Variants in SLC27A1 observed in about 807,000 individuals in gnomAD.
SLC27A1 encodes the protein solute carrier family 27 member 1, also known as long-chain fatty acid transport protein 1.
In SLC27A1, 61 loss-of-function variants were observed where a neutral mutation model predicts 62.2. That is an observed-to-expected ratio of 0.98 (90% CI 0.80 to 1.21). The LOEUF (loss-of-function observed/expected upper bound fraction) is 1.21, where lower values mean the gene tolerates loss of function less well. Ranked by LOEUF, SLC27A1 falls within the 50% of genes most tolerant of loss-of-function variation. The probability of loss-of-function intolerance (pLI) is 0.00; values close to 1 mark genes in which losing one functional copy is unlikely to be tolerated. For missense variants in SLC27A1, 903 were observed against 932.1 expected (o/e 0.97, Z 0.41); for synonymous variants, 435 against 408.6 (o/e 1.06, Z -0.78).
chr19:17,479,497 G>A (rs2075155394), intron 1 of SLC27A1, among the ~76,000 whole-genome samples: 2 of 152,178 alleles, frequency 1.3e-5, no homozygotes, highest in South Asian at 4.1e-4. Context: ...CCCCTGCTTA[G>A]GGCGTTTGGT....
intron 11 of SLC27A1, 71 bp from the exon 12 acceptor site, chr19:17,504,384 A>G: frequency 1.9e-6 from 3 of 1,573,978 alleles, no homozygotes; most frequent in Non-Finnish European, 2.6e-6. Flanking sequence ...GAGGTGCAGG[A>G]GAGGATATTG....
chr19:17,479,983 T>C (rs574644786), intron 1 of SLC27A1, among the ~76,000 whole-genome samples: 1 of 152,130 alleles, frequency 6.6e-6, no homozygotes, highest in African/African-American at 2.4e-5. Flanking sequence ...AGCACTGTCA[T>C]TTCCCCCATT....
In SLC27A1 at chr19:17,501,429, TC is replaced by T; in HGVS notation, c.1783+15del. The T allele has an allele frequency of 6.2e-7, 1 of 1,609,360 alleles. No individual in the cohort carries two copies. ...CAGGTGGACACCACAGGTGCGAGTC[TC>T]CCCCACTCCAATCTCTCTCTTCATC... On this transcript the variant is annotated intron_variant, in intron 11 of 11. Coordinates refer to ENST00000252595, the MANE Select transcript of SLC27A1 (RefSeq NM_198580.3).
chr19:17,504,494 G>GCTTTGACC lies in SLC27A1; in HGVS notation c.1825_1832dup (p.Arg612LeufsTer15), dbSNP rs1173174239. The GCTTTGACC allele has an allele frequency of 6.2e-7, 1 of 1,614,162 alleles. No individual in the cohort carries two copies. The highest frequency in any genetic ancestry group is 2.2e-5 in the East Asian group (1 of 44,882). ...CAGAAGACGAGGCTGCAGCGAGAGG[G>GCTTTGACC]CTTTGACCCACGCCAGACCTCAGAC... On this transcript the variant is annotated frameshift_variant, in exon 12 of 12. Coordinates refer to ENST00000252595, the MANE Select transcript of SLC27A1 (RefSeq NM_198580.3). LOFTEE classifies it low-confidence loss of function (END_TRUNC).
rs749112853 is a variant in SLC27A1, at chr19:17,500,739, G to A, written c.1499G>A (p.Gly500Asp). 1.2e-6 allele frequency: 2 copies of A among 1,614,068 alleles called. No homozygotes were observed. Among genetic ancestry groups the A allele is most frequent in the Non-Finnish European group, 8.5e-7 (1 of 1,180,028 alleles). The change falls in exon 10 of 12, where the codon GGC becomes GAC. Residue 500 changes from glycine (G) to aspartate (D), a missense_variant. By Grantham distance (94) the Gly-to-Asp change is moderately conservative (BLOSUM62 -1). Transcript: ENST00000252595. ...SGDVLVMDEL[G>D]YMYFRDRSGD... ...GACGTGCTAGTGATGGATGAGCTGG[G>A]CTACATGTACTTCCGGGACCGTAGC...
Position 17,497,240 on chromosome 19 carries a change from C to T in SLC27A1, c.997-15C>T. On this transcript the variant is annotated splice_polypyrimidine_tract_variant and intron_variant, in intron 6 of 11. Coordinates refer to ENST00000252595, the MANE Select transcript of SLC27A1 (RefSeq NM_198580.3). ...CTGCCGGTCCCATCACCCACTTCCT[C>T]ACCCCGTCCCCCAGGTGGTTCAGTA... 2 of 1,579,872 alleles carry T rather than the reference C, an allele frequency of 1.3e-6. No homozygotes were observed. The highest frequency in any genetic ancestry group is 2.8e-5 in the African/African-American group (2 of 72,396).
intron 1 of SLC27A1, among the ~76,000 whole-genome samples, chr19:17,474,627 CTTTTT>C (rs780611616): frequency 7.6e-6 from 1 of 131,414 alleles, no homozygotes; most frequent in Admixed American, 7.8e-5. Context: ...TGACCCCTTT[CTTTTT>C]TTTTTTTTTT....
At chr19:17,504,097 CTT>C (rs1402832935) in intron 11 of SLC27A1, among the ~76,000 whole-genome samples, 1 of 152,074 alleles carries the variant, frequency 6.6e-6, no homozygotes, top group African/African-American at 2.4e-5. Context: ...CCCAGTAAAA[CTT>C]TATTTACAAA....
At position 17,486,839 on chromosome 19, in the gene SLC27A1, G is replaced by A; in HGVS notation, c.444G>A (p.Leu148=). 1 of 1,588,766 alleles carries A rather than the reference G, an allele frequency of 6.3e-7. No homozygotes were observed. Among genetic ancestry groups the A allele is most frequent in the Non-Finnish European group, 8.5e-7 (1 of 1,172,734 alleles). ...RPEFVGLWLG[L]AKAGMEAALL... is the part of the protein sequence containing the mutation. ...AGTTCGTGGGGCTGTGGCTGGGCCTGGCCAAGGCGGGCATGGAGGCCGCGC... is the reference window on the plus strand; with the variant it reads ...AGTTCGTGGGGCTGTGGCTGGGCCTAGCCAAGGCGGGCATGGAGGCCGCGC... Residue 148 remains leucine, a synonymous_variant, in exon 2 of 12, where the codon CTG becomes CTA. Transcript: ENST00000252595. The surrounding 1 kb of genome is among the most constrained non-coding windows in gnomAD (Gnocchi z 6.6).
chr19:17,501,176 A>C, intron 10 of SLC27A1, 97 bp from the exon 11 acceptor site: 1 of 1,493,486 alleles, frequency 6.7e-7, no homozygotes, highest in Non-Finnish European at 9.0e-7. Flanking sequence ...GAGAGACTGG[A>C]GATTACAGAC....
chr19:17,481,636 T>C (rs1169495332), intron 1 of SLC27A1, among the ~76,000 whole-genome samples: 1 of 152,034 alleles, frequency 6.6e-6, no homozygotes, highest in African/African-American at 2.4e-5. Flanking sequence ...TCTGAGTAGT[T>C]GGGACTACAG....
chr19:17,481,895 A>G (rs1341453916), intron 1 of SLC27A1, among the ~76,000 whole-genome samples: 2 of 152,180 alleles, frequency 1.3e-5, no homozygotes, highest in Non-Finnish European at 2.9e-5. Context: ...TGAGCCACCC[A>G]GAGAGCAGCA....
chr19:17,476,929 C>A (rs2075129085), intron 1 of SLC27A1, among the ~76,000 whole-genome samples: 1 of 144,662 alleles, frequency 6.9e-6, no homozygotes, highest in Admixed American at 7.3e-5. Flanking sequence ...CACACTGTCA[C>A]CCAGGCTGGA....
At position 17,497,480 on chromosome 19, in the gene SLC27A1, G is replaced by A. The variant is rs745397958; in HGVS notation, c.1206+16G>A. 9 of 1,596,504 alleles carry A rather than the reference G, an allele frequency of 5.6e-6. No homozygotes were observed. The highest frequency in any genetic ancestry group is 1.3e-5 in the African/African-American group (1 of 74,692). ...GGACGGCAAGGTGCACACCGGCAGG[G>A]CCCCGGGGCAGGTCTCGGAGTTCAG... is the stretch of plus-strand genomic sequence containing the variant. On this transcript the variant is annotated intron_variant, in intron 7 of 11. Transcript: ENST00000252595.
At position 17,487,230 on chromosome 19, in the gene SLC27A1, G is replaced by T; in HGVS notation, c.619G>T (p.Asp207Tyr). ...GKSLIKFCSG[D>Y]LGPEGILPDT... ...AAGTTTGATCAAGTTCTGCTCTGGA[G>T]ACTTGGGGCCCGAGGGCATCTTGCC... Residue 207 changes from aspartate (D) to tyrosine (Y), a missense_variant, in exon 3 of 12, where the codon GAC becomes TAC. Physicochemically the swap from Asp to Tyr is radical, Grantham distance 160. Transcript: ENST00000252595. 6.2e-7 allele frequency: 1 copy of T among 1,614,100 alleles called. No individual in the cohort carries two copies. The highest frequency in any genetic ancestry group is 8.5e-7 in the Non-Finnish European group (1 of 1,179,992).
intron 1 of SLC27A1, among the ~76,000 whole-genome samples, chr19:17,479,444 C>G (rs1568411598): frequency 6.6e-6 from 1 of 152,124 alleles, no homozygotes; most frequent in African/African-American, 2.4e-5. Context: ...GCAGGCTGCC[C>G]AGTTTTCTGT....
chr19:17,476,612 T>C (rs2075125189), intron 1 of SLC27A1, among the ~76,000 whole-genome samples: 1 of 151,490 alleles, frequency 6.6e-6, no homozygotes, highest in Admixed American at 6.6e-5. Context: ...GCACTTGGCC[T>C]GCCACTGGCT....
intron 1 of SLC27A1, among the ~76,000 whole-genome samples, chr19:17,471,499 C>T (rs1027336068): frequency 6.6e-6 from 1 of 151,932 alleles, no homozygotes; most frequent in African/African-American, 2.4e-5. Context: ...CTCTGAGGGA[C>T]TTGCTCAAAC....
rs189033995 is a variant in SLC27A1, at chr19:17,472,543, T to A, written c.167+1836T>A. On this transcript the variant is annotated intron_variant, in intron 1 of 11. Coordinates refer to ENST00000252595, the MANE Select transcript of SLC27A1 (RefSeq NM_198580.3). ...GTCTATTGCTCATTTGTTTGTTTGTTTGAGGCAGAGTCTCACTCCGTCGCC... is the reference window on the plus strand; with the variant it reads ...GTCTATTGCTCATTTGTTTGTTTGTATGAGGCAGAGTCTCACTCCGTCGCC... 3.6e-3 allele frequency among the ~76,000 whole-genome samples: 547 copies of A among 152,234 alleles called. 1 individual carries two copies. Among genetic ancestry groups the A allele is most frequent in the Non-Finnish European group, 5.3e-3 (359 of 68,018 alleles).
Sources: gnomAD v4.1 joint callset for allele counts (sites outside exome capture counted in the v4.1 genomes callset) on GRCh38, gnomAD v4.1.1 for gene constraint, Gnocchi (gnomAD v3.1) non-coding constraint, MANE v1.5 for transcripts, NCBI Gene and HGNC (gene_info 2026-07-23, HGNC 2026-07-21) for gene names.